The following ISM1 variants were observed in gnomAD, a reference collection of about 807,000 sequenced individuals.
ISM1 encodes the protein isthmin 1.
Under a neutral mutation model 46.3 loss-of-function variants are expected in ISM1, and 25 were observed. The observed-to-expected ratio is 0.54, with a 90% CI of 0.39 to 0.75. The LOEUF (loss-of-function observed/expected upper bound fraction) is 0.75. ISM1 is among the 30% of genes least tolerant of loss of function. The pLI is 0.00. For missense variants in ISM1, 536 were observed against 625.4 expected (o/e 0.86, Z 1.52); for synonymous variants, 255 against 256.7 (o/e 0.99, Z 0.06).
intron 1 of ISM1, among the ~76,000 whole-genome samples, chr20:13,234,798 G>A (rs1022524580): frequency 2.0e-5 from 3 of 152,034 alleles, no homozygotes; most frequent in African/African-American, 7.2e-5. Flanking sequence ...TTTTTAACGA[G>A]GTCATTTGGT....
the ISM1 span, among the ~76,000 whole-genome samples, chr20:13,317,915 C>A: frequency 8.5e-5 from 1 of 11,750 alleles, no homozygotes; most frequent in South Asian, 7.4e-3. Context: ...ACCAAAGGCA[C>A]TATCCGTGGA....
At chr20:13,300,759 A>C, downstream of ISM1, 1 of 152,236 alleles carries the variant, frequency 6.6e-6, no homozygotes, top group East Asian at 1.9e-4. Flanking sequence ...TAAAAGGCTC[A>C]TTCATTGATT....
chr20:13,230,885 A>G (rs1396114604), intron 1 of ISM1, among the ~76,000 whole-genome samples: 3 of 152,214 alleles, frequency 2.0e-5, no homozygotes, highest in African/African-American at 7.2e-5. Flanking sequence ...GTGGCTTATC[A>G]GTCAAGAGGT....
At chr20:13,311,247 A>AGATAGATAGATAGAT in the ISM1 span, among the ~76,000 whole-genome samples, 2,136 of 115,924 alleles carry the variant, frequency 0.018, 17 homozygotes, top group African/African-American at 0.029. Flanking sequence ...GATAGATGAT[A>AGATAGATAGATAGAT]GATAGATAGA....
intron 4 of ISM1, among the ~76,000 whole-genome samples, chr20:13,291,624 T>A (rs2040353739): frequency 6.6e-6 from 1 of 152,200 alleles, no homozygotes; most frequent in Non-Finnish European, 1.5e-5. Flanking sequence ...GGTGGTAGTT[T>A]GGGTGAGCCA....
chr20:13,317,182 C>A, the ISM1 span, among the ~76,000 whole-genome samples: 2 of 151,794 alleles, frequency 1.3e-5, no homozygotes, highest in Non-Finnish European at 2.9e-5. Flanking sequence ...ATACCATTTA[C>A]ATTAACACCT....
At chr20:13,229,324 G>T (rs2039563178) in intron 1 of ISM1, among the ~76,000 whole-genome samples, 1 of 152,132 alleles carries the variant, frequency 6.6e-6, no homozygotes, top group South Asian at 2.1e-4. Context: ...GTGCACAATT[G>T]TAGGCAATTT....
chr20:13,224,837 C>G (rs971263954), intron 1 of ISM1, among the ~76,000 whole-genome samples: 2 of 136,010 alleles, frequency 1.5e-5, no homozygotes, highest in Non-Finnish European at 3.2e-5. Flanking sequence ...TACTAGCTTT[C>G]TTTCTTTTTT....
At chr20:13,274,397 G>A (rs913050918) in intron 2 of ISM1, among the ~76,000 whole-genome samples, 1 of 152,144 alleles carries the variant, frequency 6.6e-6, no homozygotes, top group Non-Finnish European at 1.5e-5. Flanking sequence ...CAGGTGAGGG[G>A]CCCTTCAGTA....
the ISM1 span, among the ~76,000 whole-genome samples, chr20:13,315,006 G>A: frequency 6.6e-6 from 1 of 151,896 alleles, no homozygotes; most frequent in African/African-American, 2.4e-5. Context: ...AAAATCTAGA[G>A]CAACTGCTAA....
the ISM1 span, among the ~76,000 whole-genome samples, chr20:13,306,470 T>C: frequency 6.6e-6 from 1 of 151,034 alleles, no homozygotes; most frequent in Non-Finnish European, 1.5e-5. Flanking sequence ...CCCTTCTTTA[T>C]TTCCCTCTCT....
At chr20:13,314,729 C>G in the ISM1 span, among the ~76,000 whole-genome samples, 1 of 152,064 alleles carries the variant, frequency 6.6e-6, no homozygotes, top group African/African-American at 2.4e-5. Context: ...AAAACAAAGT[C>G]TGTTATTTTT....
At chr20:13,233,623 C>G (rs1039017063) in intron 1 of ISM1, among the ~76,000 whole-genome samples, 3 of 151,540 alleles carry the variant, frequency 2.0e-5, no homozygotes, top group African/African-American at 7.3e-5. Flanking sequence ...AAGGAGATCC[C>G]ATTAGATGTT....
intron 2 of ISM1, among the ~76,000 whole-genome samples, chr20:13,277,111 C>CTAT (rs1418870136): frequency 2.0e-5 from 3 of 151,880 alleles, no homozygotes; most frequent in African/African-American, 7.3e-5. Context: ...GGCAACAAGT[C>CTAT]TATTTTGTTT....
chr20:13,270,508 AC>A lies in ISM1; in HGVS notation c.145del (p.Leu49SerfsTer81). ...TTGCTTGTTTGTTTGTTTTAGAATA[AC>A]CTCAACGTGGGAAGTGACACCACAT... ...GNASQAQLQN[N>X]LNVGSDTTSE... On this transcript the variant is annotated frameshift_variant, in exon 2 of 6. Transcript: ENST00000262487. LOFTEE classifies it high-confidence loss of function. The A allele has an allele frequency of 6.2e-7, 1 of 1,612,168 alleles. No individual in the cohort carries two copies. Among genetic ancestry groups the A allele is most frequent in the Non-Finnish European group, 8.5e-7 (1 of 1,179,176 alleles).
At chr20:13,324,799 C>T in the ISM1 span, among the ~76,000 whole-genome samples, 1 of 152,166 alleles carries the variant, frequency 6.6e-6, no homozygotes, top group African/African-American at 2.4e-5. Context: ...TTAGATATTA[C>T]ATACATTTGA....
intron 2 of ISM1, 127 bp downstream of exon 2, chr20:13,270,870 A>G: frequency 8.4e-6 from 7 of 830,618 alleles, no homozygotes; most frequent in Non-Finnish European, 1.3e-5. Context: ...CCTGCTTAAG[A>G]TCATGTTATC....
chr20:13,261,769 G>A (rs1289880895), intron 1 of ISM1, among the ~76,000 whole-genome samples: 1 of 152,170 alleles, frequency 6.6e-6, no homozygotes, highest in Admixed American at 6.5e-5. Context: ...GTGTTGAGAA[G>A]AATCCATCTC....
chr20:13,299,029 G>T lies in ISM1; in HGVS notation c.965G>T (p.Cys322Phe). 1.2e-6 allele frequency: 2 copies of T among 1,613,722 alleles called. No individual in the cohort carries two copies. The highest frequency in any genetic ancestry group is 1.7e-6 in the Non-Finnish European group (2 of 1,179,806). ...AAGGTGATGAATGACCTGCCCAGCT[G>T]CCCCTGCTCCTACCCCACTGAGGTG... Reference protein sequence around the residue: ...MHKVMNDLPSCPCSYPTEVAY... With the variant: ...MHKVMNDLPSFPCSYPTEVAY... Residue 322 changes from cysteine (C) to phenylalanine (F), a missense_variant, in exon 6 of 6, where the codon TGC (cysteine) becomes TTC (phenylalanine). By Grantham distance (205) the Cys-to-Phe change is radical. Transcript: ENST00000262487. This position sits in a 1 kb window ranked among gnomAD's most constrained non-coding sequence, Gnocchi z 5.8.
Sources: gnomAD v4.1 joint callset for allele counts (sites outside exome capture counted in the v4.1 genomes callset) on GRCh38, gnomAD v4.1.1 for gene constraint, Gnocchi (gnomAD v3.1) non-coding constraint, MANE v1.5 for transcripts, NCBI Gene and HGNC (gene_info 2026-07-23, HGNC 2026-07-21) for gene names.